CNTN1: variants seen among roughly 807,000 people sequenced by gnomAD.
CNTN1 encodes contactin-1.
In CNTN1, 38 loss-of-function variants were observed where a neutral mutation model predicts 126.4. The ratio of observed to expected loss-of-function variants is 0.30; its 90% confidence interval spans 0.23 to 0.39. The LOEUF (loss-of-function observed/expected upper bound fraction) is 0.39, where lower values mean the gene tolerates loss of function less well. CNTN1 is among the 10% of genes least tolerant of loss of function. The probability of loss-of-function intolerance (pLI) is 1.00; values close to 1 mark genes in which losing one functional copy is unlikely to be tolerated. For missense variants in CNTN1, 1,009 were observed against 1,248.4 expected (o/e 0.81, Z 2.89); for synonymous variants, 413 against 422.6 (o/e 0.98, Z 0.28).
intron 1 of CNTN1, among the ~76,000 whole-genome samples, chr12:40,883,614 A>T (rs74953101): frequency 0.098 from 14,880 of 151,592 alleles, 861 homozygotes; most frequent in Non-Finnish European, 0.13. Flanking sequence ...TAGGAAACAC[A>T]GTTTGAAGAT....
intron 21 of CNTN1, among the ~76,000 whole-genome samples, chr12:41,026,095 A>T (rs1949032329): frequency 6.6e-6 from 1 of 152,220 alleles, no homozygotes; most frequent in Non-Finnish European, 1.5e-5. Context: ...TGTCTCTGCC[A>T]CTTGCTAGAT....
intron 1 of CNTN1, among the ~76,000 whole-genome samples, chr12:40,840,823 G>T (rs1163660424): frequency 6.6e-6 from 1 of 151,386 alleles, no homozygotes; most frequent in Admixed American, 6.6e-5. Context: ...TACAGCAAAA[G>T]CAATGCAAAG....
At chr12:40,933,622 AT>A (rs199647238) in intron 8 of CNTN1, 62 bp downstream of exon 8, 1 of 1,529,558 alleles carries the variant, frequency 6.5e-7, no homozygotes, top group Non-Finnish European at 9.1e-7. Context: ...GAAATAAATA[AT>A]TGTTTAGCTA....
chr12:40,971,693 A>T, intron 15 of CNTN1: 1 of 1,395,746 alleles, frequency 7.2e-7, no homozygotes, highest in South Asian at 1.6e-5. Context: ...TTAAAATATA[A>T]CTATAATGCT....
intron 1 of CNTN1, among the ~76,000 whole-genome samples, chr12:40,844,593 T>A (rs1170973226): frequency 6.6e-6 from 1 of 152,182 alleles, no homozygotes; most frequent in Non-Finnish European, 1.5e-5. Flanking sequence ...CCCTCTCTAA[T>A]CCTTCACCAA....
intron 15 of CNTN1, among the ~76,000 whole-genome samples, chr12:40,961,985 T>C (rs982734776): frequency 6.6e-6 from 1 of 152,094 alleles, no homozygotes; most frequent in African/African-American, 2.4e-5. Context: ...ATATTGGTAA[T>C]CTGAACTGCA....
intron 19 of CNTN1, among the ~76,000 whole-genome samples, chr12:41,019,421 TAA>T (rs1435635180): frequency 3.9e-5 from 6 of 152,218 alleles, no homozygotes; most frequent in Admixed American, 3.9e-4. Flanking sequence ...GAAACTTGTA[TAA>T]GTGTTAATCT....
At chr12:40,854,733 A>G (rs1462051865) in intron 1 of CNTN1, among the ~76,000 whole-genome samples, 4 of 152,188 alleles carry the variant, frequency 2.6e-5, no homozygotes, top group Admixed American at 2.0e-4. Context: ...AGGAGAGCCA[A>G]GGAACATATT....
chr12:40,757,827 A>T (rs982539428), intron 1 of CNTN1, among the ~76,000 whole-genome samples: 3 of 152,222 alleles, frequency 2.0e-5, no homozygotes, highest in African/African-American at 4.8e-5. Context: ...AAAATAATCA[A>T]ATATCTTTAT....
At chr12:40,716,201 C>A (rs1235242929) in intron 1 of CNTN1, among the ~76,000 whole-genome samples, 2 of 151,766 alleles carry the variant, frequency 1.3e-5, no homozygotes, top group East Asian at 3.9e-4. Flanking sequence ...TGCAAGGGTA[C>A]TAGATGCTTC....
chr12:40,911,315 C>T (rs1221034277), intron 3 of CNTN1, among the ~76,000 whole-genome samples: 2 of 152,150 alleles, frequency 1.3e-5, no homozygotes, highest in South Asian at 2.1e-4. Flanking sequence ...CTCCTGACCT[C>T]GTGATCCGCC....
intron 1 of CNTN1, among the ~76,000 whole-genome samples, chr12:40,904,012 C>G (rs1447607218): frequency 1.3e-5 from 2 of 152,164 alleles, no homozygotes; most frequent in Non-Finnish European, 2.9e-5. Context: ...TTCCTTCTTT[C>G]TTTCTCGTCT....
chr12:41,031,344 C>A (rs1180449045), intron 23 of CNTN1, among the ~76,000 whole-genome samples: 2 of 152,052 alleles, frequency 1.3e-5, no homozygotes, highest in Admixed American at 1.3e-4. Flanking sequence ...AAGAGCTACC[C>A]AGTAGCACAT....
chr12:40,838,110 C>T (rs1014809639), intron 1 of CNTN1, among the ~76,000 whole-genome samples: 19 of 152,322 alleles, frequency 1.2e-4, no homozygotes, highest in African/African-American at 3.8e-4. Context: ...CCACCCAGCC[C>T]GGCATTGCAT....
chr12:40,703,702 A>G (rs1293243422), intron 1 of CNTN1, among the ~76,000 whole-genome samples: 1 of 152,188 alleles, frequency 6.6e-6, no homozygotes, highest in African/African-American at 2.4e-5. Context: ...TTTCCTATGA[A>G]TAATCTACAA....
intron 1 of CNTN1, among the ~76,000 whole-genome samples, chr12:40,763,811 T>C (rs971805225): frequency 1.3e-5 from 2 of 152,216 alleles, no homozygotes; most frequent in African/African-American, 4.8e-5. Context: ...CAAAATCTTA[T>C]TGGCTTCTAA....
chr12:40,857,312 AG>A (rs1942947220), intron 1 of CNTN1, among the ~76,000 whole-genome samples: 1 of 152,110 alleles, frequency 6.6e-6, no homozygotes, highest in African/African-American at 2.4e-5. Flanking sequence ...AGCCATTCTA[AG>A]AATTTGGTAG....
chr12:41,069,413 AT>A (rs1487923174), intron 23 of CNTN1, among the ~76,000 whole-genome samples: 2 of 151,948 alleles, frequency 1.3e-5, no homozygotes, highest in Non-Finnish European at 2.9e-5. Flanking sequence ...AATTATTAGT[AT>A]TTTTACTGTA....
At chr12:41,064,197 G>A (rs1419430848) in intron 23 of CNTN1, among the ~76,000 whole-genome samples, 1 of 150,802 alleles carries the variant, frequency 6.6e-6, no homozygotes, top group Admixed American at 6.6e-5. Context: ...AAAACAATGT[G>A]AGGCAAATTG....
Sources: gnomAD v4.1 joint callset for allele counts (sites outside exome capture counted in the v4.1 genomes callset) on GRCh38, gnomAD v4.1.1 for gene constraint, MANE v1.5 for transcripts, NCBI Gene and HGNC (gene_info 2026-07-23, HGNC 2026-07-21) for gene names.